The following EPB41L5 variants were observed in gnomAD, a reference collection of about 807,000 sequenced individuals.
The protein encoded by EPB41L5 is erythrocyte membrane protein band 4.1 like 5.
In EPB41L5, 55 loss-of-function variants were observed where a neutral mutation model predicts 106.6. The observed-to-expected ratio is 0.52, with a 90% confidence interval of 0.42 to 0.65. The LOEUF (loss-of-function observed/expected upper bound fraction) is 0.65, where lower values mean the gene tolerates loss of function less well. Ranked by LOEUF, EPB41L5 falls within the 30% of genes least tolerant of loss-of-function variation. EPB41L5 has a pLI of 0.00. For missense variants in EPB41L5, 871 were observed against 882.1 expected (o/e 0.99, Z 0.16); for synonymous variants, 297 against 306.7 (o/e 0.97, Z 0.33).
At position 120,091,506 on chromosome 2, in the gene EPB41L5, T is replaced by C. The variant is rs975996935; in HGVS notation, c.1044-49T>C. The C allele has an allele frequency of 3.0e-6, 4 of 1,319,076 alleles. No individual in the cohort carries two copies. The African/African-American group carries it at 5.8e-5, about 19-fold the overall frequency. The allele number at this position is 1,319,076 out of a possible 1,614,324, so 81.7% of individuals were successfully genotyped here. The stretch of plus-strand genomic sequence containing the variant: ...GTGGACTGTCTTATTTGTGTGTGTT[T>C]ATTACTGTAGACCTAAAATTTCCCT... On this transcript the variant is annotated intron_variant, in intron 12 of 24. Transcript: ENST00000263713.
chr2:120,101,662 T>G (rs907348273), intron 16 of EPB41L5: 1 of 152,344 alleles, frequency 6.6e-6, no homozygotes, highest in Non-Finnish European at 1.5e-5. Context: ...GTGCAGCCAG[T>G]TCTTCCTTCA....
At chr2:120,152,871 AT>A (rs1426274692) in intron 20 of EPB41L5, among the ~76,000 whole-genome samples, 1 of 152,182 alleles carries the variant, frequency 6.6e-6, no homozygotes, top group Non-Finnish European at 1.5e-5. Flanking sequence ...AGGTGATTTA[AT>A]TTACTGGAGT....
intron 6 of EPB41L5, 72 bp from the exon 7 acceptor site, chr2:120,075,629 T>C: frequency 2.8e-6 from 4 of 1,438,276 alleles, no homozygotes; most frequent in Non-Finnish European, 3.9e-6. Flanking sequence ...ATAAAACATG[T>C]ATTATTTTCA....
chr2:120,069,309 A>G (rs1681693241), intron 3 of EPB41L5, among the ~76,000 whole-genome samples: 1 of 152,130 alleles, frequency 6.6e-6, no homozygotes, highest in Admixed American at 6.6e-5. Context: ...AGGAGCACCC[A>G]GATTCATAAA....
At chr2:120,048,887 A>G (rs777249143) in intron 3 of EPB41L5, among the ~76,000 whole-genome samples, 15 of 152,174 alleles carry the variant, frequency 9.9e-5, no homozygotes, top group Non-Finnish European at 1.9e-4. Flanking sequence ...ATTGATTTCA[A>G]AGAACATCTT....
intron 11 of EPB41L5, among the ~76,000 whole-genome samples, chr2:120,089,478 T>C (rs1182536740): frequency 6.6e-6 from 1 of 152,184 alleles, no homozygotes; most frequent in Admixed American, 6.5e-5. Context: ...GCCTGTTTTA[T>C]CTAAACGTGT....
chr2:120,014,659 T>G (rs1271097608), intron 1 of EPB41L5, among the ~76,000 whole-genome samples: 1 of 151,994 alleles, frequency 6.6e-6, no homozygotes, highest in Non-Finnish European at 1.5e-5. Flanking sequence ...TGGGAGCGGG[T>G]GGAAGAGAGG....
Position 120,177,881 on chromosome 2 carries a change from A to G in EPB41L5, c.*2974A>G, listed in dbSNP as rs1395289704. ...TTGGATCTGGACTACTTGTTATCTT[A>G]TGCTTCTCACTTCTGGCTAAAACTT... On this transcript the variant is annotated 3_prime_UTR_variant, in exon 25 of 25. Transcript: ENST00000263713. The G allele has an allele frequency of 1.3e-5, 2 of 152,192 alleles. No individual in the cohort carries two copies. The highest frequency in any genetic ancestry group is 2.9e-5 in the Non-Finnish European group (2 of 68,044). The allele number at this position is 152,192 out of a possible 1,614,324, so 9.4% of individuals were successfully genotyped here. A position where few individuals can be genotyped will look rare whatever the true frequency, so the allele number is the denominator to read the frequency against.
At chr2:120,058,128 TA>T (rs528912147) in intron 3 of EPB41L5, among the ~76,000 whole-genome samples, 3 of 151,688 alleles carry the variant, frequency 2.0e-5, no homozygotes, top group African/African-American at 4.8e-5. Context: ...TTCTCTCATT[TA>T]AAAAAAAATC....
intron 2 of EPB41L5, among the ~76,000 whole-genome samples, chr2:120,023,665 G>A (rs1678099293): frequency 6.6e-6 from 1 of 152,162 alleles, no homozygotes. Flanking sequence ...GGCTATACGG[G>A]CTCTTTTTCG....
chr2:120,157,673 G>T (rs141952122), intron 20 of EPB41L5, among the ~76,000 whole-genome samples: 1 of 151,430 alleles, frequency 6.6e-6, no homozygotes, highest in African/African-American at 2.4e-5. Context: ...AGACGCTGAG[G>T]CACAAGAATA....
chr2:120,106,353 G>T, intron 16 of EPB41L5: 2 of 984,824 alleles, frequency 2.0e-6, no homozygotes, highest in Non-Finnish European at 2.4e-6. Flanking sequence ...ATCAAATATT[G>T]CAAATACTTG....
At chr2:120,105,448 C>T (rs1307280773) in intron 16 of EPB41L5, 1 of 985,190 alleles carries the variant, frequency 1.0e-6, no homozygotes, top group East Asian at 1.1e-4. Context: ...TCAAATCCTT[C>T]CTGCCAGACA....
chr2:120,156,068 T>C (rs567302301), intron 20 of EPB41L5, among the ~76,000 whole-genome samples: 2 of 152,210 alleles, frequency 1.3e-5, no homozygotes, highest in East Asian at 3.9e-4. Flanking sequence ...TGCAGGAGCA[T>C]CTATTGTGGA....
intron 10 of EPB41L5, 69 bp downstream of exon 10, chr2:120,078,650 C>A: frequency 9.9e-7 from 1 of 1,014,820 alleles, no homozygotes; most frequent in Non-Finnish European, 1.5e-6. Flanking sequence ...AAAGTTAATA[C>A]ATAAACAAGT....
intron 2 of EPB41L5, among the ~76,000 whole-genome samples, chr2:120,037,329 A>G (rs1679102104): frequency 6.6e-6 from 1 of 152,232 alleles, no homozygotes; most frequent in South Asian, 2.1e-4. Flanking sequence ...AGAAGACAGT[A>G]CTACCCAAAG....
At chr2:120,109,552 C>T (rs1684626554) in intron 16 of EPB41L5, among the ~76,000 whole-genome samples, 1 of 152,204 alleles carries the variant, frequency 6.6e-6, no homozygotes, top group South Asian at 2.1e-4. Context: ...ACCATCCATA[C>T]TCTAAGGCCC....
At position 120,175,486 on chromosome 2, in the gene EPB41L5, C is replaced by T. The variant is rs1687887871; in HGVS notation, c.*579C>T. 1 of 151,376 alleles carries T rather than the reference C, an allele frequency of 6.6e-6. No individual in the cohort carries two copies. Among genetic ancestry groups the T allele is most frequent in the African/African-American group, 2.4e-5 (1 of 40,982 alleles). The allele number at this position is 151,376 out of a possible 1,614,324, so 9.4% of individuals were successfully genotyped here. A position where few individuals can be genotyped will look rare whatever the true frequency, so the allele number is the denominator to read the frequency against. On this transcript the variant is annotated 3_prime_UTR_variant, in exon 25 of 25. Coordinates refer to ENST00000263713, the MANE Select transcript of EPB41L5 (RefSeq NM_020909.4). ...TAGAATATAGAGAGTTTTTAAATGT[C>T]TCCCATTCTTTTGATTTCTTACTGT... is the stretch of plus-strand genomic sequence containing the variant.
At chr2:120,066,995 A>C (rs1212549350) in intron 3 of EPB41L5, among the ~76,000 whole-genome samples, 1 of 152,170 alleles carries the variant, frequency 6.6e-6, no homozygotes, top group African/African-American at 2.4e-5. Flanking sequence ...TGGCAGGCCT[A>C]GTGTTCTGTT....
Sources: gnomAD v4.1 joint callset for allele counts (sites outside exome capture counted in the v4.1 genomes callset) on GRCh38, gnomAD v4.1.1 for gene constraint, MANE v1.5 for transcripts, NCBI Gene and HGNC (gene_info 2026-07-23, HGNC 2026-07-21) for gene names.